The following KLF12 variants were observed in gnomAD, a reference collection of about 807,000 sequenced individuals.
KLF12 encodes the protein KLF transcription factor 12.
KLF12 carries 9 observed loss-of-function variants against 37.8 expected under a neutral mutation model. The ratio of observed to expected loss-of-function variants is 0.24; its 90% CI spans 0.14 to 0.42. The LOEUF is 0.42. KLF12 is among the 10% of genes least tolerant of loss of function. KLF12 has a pLI of 1.00. For synonymous variants in KLF12, 208 were observed against 202.1 expected, an observed-to-expected ratio of 1.03 and a Z score of -0.25; for missense variants, 411 against 516.0, an observed-to-expected ratio of 0.80 and a Z score of 1.97.
chr13:74,095,367 AC>A (rs1252029657), intron 1 of KLF12, among the ~76,000 whole-genome samples: 1 of 145,242 alleles, frequency 6.9e-6, no homozygotes, highest in Non-Finnish European at 1.5e-5. Context: ...TACAGTGAAT[AC>A]TTGTAGTGCC....
chr13:73,927,428 C>G (rs558787769), intron 3 of KLF12, among the ~76,000 whole-genome samples: 1 of 152,194 alleles, frequency 6.6e-6, no homozygotes. Flanking sequence ...CATTCCCATC[C>G]GTGTTTTCCA....
intron 1 of KLF12, among the ~76,000 whole-genome samples, chr13:74,032,513 G>A (rs753665595): frequency 6.6e-6 from 1 of 152,098 alleles, no homozygotes; most frequent in Non-Finnish European, 1.5e-5. Flanking sequence ...TTTGCCTACA[G>A]AACGTGTTCT....
At chr13:74,036,666 T>G (rs1406510744) in intron 1 of KLF12, among the ~76,000 whole-genome samples, 1 of 152,214 alleles carries the variant, frequency 6.6e-6, no homozygotes, top group Non-Finnish European at 1.5e-5. Flanking sequence ...TGCATATCCC[T>G]GTGGTGGGAC....
the KLF12 span, among the ~76,000 whole-genome samples, chr13:74,275,783 T>G: frequency 1.6e-5 from 1 of 64,134 alleles, no homozygotes; most frequent in Non-Finnish European, 2.9e-5. Context: ...TGTCTTTTTC[T>G]TTCTTTCTTT....
At chr13:74,275,878 CTTCTTTCTTTCTTTCTTTCT>C in the KLF12 span, among the ~76,000 whole-genome samples, 237 of 52,930 alleles carry the variant, frequency 4.5e-3, no homozygotes, top group African/African-American at 0.013. Flanking sequence ...ATCTTTCTTT[CTTCTTTCTTTCTTTCTTTCT>C]TTCTTTCTTT....
chr13:73,799,856 T>G (rs1882192397), intron 5 of KLF12, among the ~76,000 whole-genome samples: 1 of 152,180 alleles, frequency 6.6e-6, no homozygotes, highest in African/African-American at 2.4e-5. Context: ...TAATAGTGCT[T>G]ACATATACAA....
At chr13:73,778,052 T>G (rs148629257) in intron 5 of KLF12, among the ~76,000 whole-genome samples, 6,792 of 151,218 alleles carry the variant, frequency 0.045, 252 homozygotes, top group East Asian at 0.15. Flanking sequence ...GAGAATCGCT[T>G]GAACTCGGGA....
At chr13:73,734,558 A>C (rs1877306931) in intron 6 of KLF12, among the ~76,000 whole-genome samples, 1 of 152,012 alleles carries the variant, frequency 6.6e-6, no homozygotes, top group South Asian at 2.1e-4. Flanking sequence ...CTTTCATAAT[A>C]GATGGCAAAA....
At chr13:74,154,458 G>A in the KLF12 span, among the ~76,000 whole-genome samples, 3 of 152,218 alleles carry the variant, frequency 2.0e-5, no homozygotes, top group African/African-American at 7.2e-5. Flanking sequence ...CTGAGATTGT[G>A]GAGTTACACA....
the KLF12 span, among the ~76,000 whole-genome samples, chr13:74,243,893 A>C: frequency 1.3e-5 from 2 of 152,242 alleles, no homozygotes; most frequent in Admixed American, 6.5e-5. Context: ...CGACACTAGC[A>C]CACAATTTTG....
chr13:74,242,356 G>C, the KLF12 span, among the ~76,000 whole-genome samples: 2 of 152,188 alleles, frequency 1.3e-5, no homozygotes, highest in African/African-American at 2.4e-5. Flanking sequence ...TCACAATCGT[G>C]GTGGAAGGCA....
chr13:73,782,740 T>TTTGAG (rs1881044200), intron 5 of KLF12, among the ~76,000 whole-genome samples: 1 of 152,204 alleles, frequency 6.6e-6, no homozygotes, highest in Admixed American at 6.5e-5. Context: ...TGACTTTAGT[T>TTTGAG]TCTTTTTAGT....
chr13:73,762,665 A>T (rs891896536), intron 6 of KLF12, among the ~76,000 whole-genome samples: 2 of 152,186 alleles, frequency 1.3e-5, no homozygotes, highest in African/African-American at 4.8e-5. Context: ...TGAACTTGAC[A>T]TGTAATCCTA....
At chr13:74,252,022 G>A in the KLF12 span, among the ~76,000 whole-genome samples, 1 of 152,136 alleles carries the variant, frequency 6.6e-6, no homozygotes, top group Non-Finnish European at 1.5e-5. Context: ...GGATGGGTCT[G>A]GGACAGGCTG....
the KLF12 span, among the ~76,000 whole-genome samples, chr13:74,220,990 T>C: frequency 1.6e-4 from 24 of 152,144 alleles, no homozygotes; most frequent in Non-Finnish European, 3.4e-4. Context: ...ACTTAGTCTT[T>C]TTTGTTTGCT....
chr13:73,720,609 G>A (rs1876169661), intron 6 of KLF12, among the ~76,000 whole-genome samples: 1 of 152,136 alleles, frequency 6.6e-6, no homozygotes, highest in African/African-American at 2.4e-5. Flanking sequence ...CAGGTACCAC[G>A]TTGTAATAAT....
chr13:74,181,222 A>G, the KLF12 span, among the ~76,000 whole-genome samples: 3 of 151,108 alleles, frequency 2.0e-5, no homozygotes, highest in African/African-American at 7.3e-5. Flanking sequence ...CTGGACTCGA[A>G]CTCCTGACCT....
chr13:74,223,624 T>A, the KLF12 span, among the ~76,000 whole-genome samples: 1 of 152,124 alleles, frequency 6.6e-6, no homozygotes, highest in East Asian at 1.9e-4. Context: ...TGGACTTCCC[T>A]GTGGTCCAAA....
chr13:74,093,953 GTA>G (rs1432246243), intron 1 of KLF12, among the ~76,000 whole-genome samples: 2 of 132,072 alleles, frequency 1.5e-5, no homozygotes, highest in Non-Finnish European at 3.2e-5. Flanking sequence ...TTCATTAGGA[GTA>G]TCAGTAAAAT....
Sources: allele counts gnomAD v4.1 joint callset (sites outside exome capture counted in the v4.1 genomes callset), GRCh38; gene constraint gnomAD v4.1.1; transcripts MANE v1.5; gene names NCBI Gene and HGNC (gene_info 2026-07-23, HGNC 2026-07-21).